The following GPC5 variants were observed in gnomAD, a reference collection of about 807,000 sequenced individuals.
GPC5 encodes the protein glypican 5, also known as glypican-5.
A neutral mutation model predicts 53.9 loss-of-function variants in GPC5; 47 were observed. The observed-to-expected ratio is 0.87, with a 90% CI of 0.69 to 1.11. GPC5 has a LOEUF of 1.11. Among genes scored for constraint, GPC5 ranks in the 50% most tolerant of loss-of-function variants. The pLI, the probability that GPC5 is intolerant of heterozygous loss-of-function variation, is 0.00. For synonymous variants in GPC5, 286 were observed against 263.3 expected (o/e 1.09, Z -0.84); for missense variants, 748 against 713.1 (o/e 1.05, Z -0.56).
At chr13:92,247,918 T>C (rs2042664483) in intron 7 of GPC5, among the ~76,000 whole-genome samples, 1 of 152,094 alleles carries the variant, frequency 6.6e-6, no homozygotes, top group South Asian at 2.1e-4. Context: ...TATCCTTTGA[T>C]AGGTTCTATG....
intron 7 of GPC5, among the ~76,000 whole-genome samples, chr13:92,362,221 AGT>A (rs2043573691): frequency 1.2e-4 from 18 of 151,692 alleles, no homozygotes; most frequent in Admixed American, 1.2e-3. Context: ...TCCATTTTGC[AGT>A]GTTTTCCTTT....
At chr13:92,134,242 G>A (rs2041766614) in intron 6 of GPC5, among the ~76,000 whole-genome samples, 1 of 152,138 alleles carries the variant, frequency 6.6e-6, no homozygotes, top group Non-Finnish European at 1.5e-5. Context: ...GTGCTCTGTA[G>A]TGTTTGGAAG....
At chr13:91,430,324 A>G (rs115439056) in intron 1 of GPC5, among the ~76,000 whole-genome samples, 3,791 of 152,302 alleles carry the variant, frequency 0.025, 154 homozygotes, top group African/African-American at 0.084. Context: ...CTGATAGCCA[A>G]CTGTGCCCTT....
At chr13:91,445,569 G>C (rs959004402) in intron 1 of GPC5, among the ~76,000 whole-genome samples, 4 of 152,190 alleles carry the variant, frequency 2.6e-5, no homozygotes, top group African/African-American at 9.7e-5. Flanking sequence ...TCATCTCCCA[G>C]CTACAAGTGA....
chr13:91,934,711 C>T (rs2039854076), intron 6 of GPC5, among the ~76,000 whole-genome samples: 1 of 151,822 alleles, frequency 6.6e-6, no homozygotes. Context: ...TGATACTGTT[C>T]CTTTACTAGG....
intron 2 of GPC5, among the ~76,000 whole-genome samples, chr13:91,618,317 C>T (rs1398240968): frequency 6.6e-6 from 1 of 152,012 alleles, no homozygotes; most frequent in Non-Finnish European, 1.5e-5. Flanking sequence ...ATACAATTGC[C>T]CCCTTTTATG....
chr13:91,952,265 C>G (rs553191189), intron 6 of GPC5, among the ~76,000 whole-genome samples: 1 of 151,870 alleles, frequency 6.6e-6, no homozygotes, highest in African/African-American at 2.4e-5. Context: ...AGATAGATTT[C>G]TTCTATTCTT....
intron 1 of GPC5, among the ~76,000 whole-genome samples, chr13:91,418,709 C>T (rs1878400699): frequency 6.6e-6 from 1 of 152,130 alleles, no homozygotes; most frequent in Non-Finnish European, 1.5e-5. Context: ...GATCTTTTAG[C>T]AGAAGTGCCA....
intron 7 of GPC5, among the ~76,000 whole-genome samples, chr13:92,694,706 G>T (rs1384920276): frequency 1.3e-5 from 2 of 152,200 alleles, no homozygotes; most frequent in African/African-American, 4.8e-5. Flanking sequence ...TCTCAGAGGA[G>T]ACTTTGGACT....
chr13:92,342,615 C>T (rs1229633805), intron 7 of GPC5, among the ~76,000 whole-genome samples: 3 of 152,038 alleles, frequency 2.0e-5, no homozygotes, highest in Admixed American at 6.6e-5. Flanking sequence ...ACTTCCCAGC[C>T]TCCAGAACTG....
intron 2 of GPC5, among the ~76,000 whole-genome samples, chr13:91,616,296 C>T (rs192489422): frequency 9.5e-4 from 143 of 150,880 alleles, no homozygotes; most frequent in African/African-American, 3.4e-3. Context: ...TTTAAAGATC[C>T]TTTCTTCAAA....
At chr13:92,646,930 A>ATGTGTGTGTG (rs753380099) in intron 7 of GPC5, among the ~76,000 whole-genome samples, 9,898 of 146,122 alleles carry the variant, frequency 0.068, 479 homozygotes, top group Admixed American at 0.11. Context: ...ATATATAAAC[A>ATGTGTGTGTG]TGTGTGTGTG....
At chr13:91,972,755 G>C (rs1292561126) in intron 6 of GPC5, among the ~76,000 whole-genome samples, 1 of 150,506 alleles carries the variant, frequency 6.6e-6, no homozygotes, top group African/African-American at 2.4e-5. Flanking sequence ...TGAAATTCTG[G>C]GTTGAAAATT....
chr13:92,168,341 A>G (rs1274772572), intron 7 of GPC5, among the ~76,000 whole-genome samples: 1 of 152,224 alleles, frequency 6.6e-6, no homozygotes, highest in Admixed American at 6.5e-5. Flanking sequence ...GGCAAATGGG[A>G]TTTAGTTAAA....
At chr13:92,510,627 TGG>T (rs1880530315) in intron 7 of GPC5, among the ~76,000 whole-genome samples, 2 of 152,202 alleles carry the variant, frequency 1.3e-5, no homozygotes, top group Admixed American at 1.3e-4. Flanking sequence ...GCTCTCCTGC[TGG>T]GATCAAGACA....
At chr13:92,343,314 G>A (rs1274732651) in intron 7 of GPC5, among the ~76,000 whole-genome samples, 1 of 152,156 alleles carries the variant, frequency 6.6e-6, no homozygotes, top group African/African-American at 2.4e-5. Context: ...ATAGAATTTG[G>A]AAGAGCAAGT....
At chr13:92,008,087 G>C (rs1333294448) in intron 6 of GPC5, among the ~76,000 whole-genome samples, 2 of 147,312 alleles carry the variant, frequency 1.4e-5, no homozygotes, top group Non-Finnish European at 1.5e-5. Flanking sequence ...TTTTGAGACG[G>C]AGTCTCGCTC....
At chr13:92,485,178 A>T (rs573986866) in intron 7 of GPC5, among the ~76,000 whole-genome samples, 1 of 152,090 alleles carries the variant, frequency 6.6e-6, no homozygotes, top group South Asian at 2.1e-4. Context: ...CAAACACTAA[A>T]CCTGTGCAAA....
At chr13:91,964,194 T>A (rs1370232448) in intron 6 of GPC5, among the ~76,000 whole-genome samples, 2 of 152,188 alleles carry the variant, frequency 1.3e-5, no homozygotes, top group African/African-American at 4.8e-5. Context: ...CAGTGAGTGT[T>A]ACAGCTCACA....
Sources: gnomAD v4.1 joint callset for allele counts (sites outside exome capture counted in the v4.1 genomes callset) on GRCh38, gnomAD v4.1.1 for gene constraint, MANE v1.5 for transcripts, NCBI Gene and HGNC (gene_info 2026-07-23, HGNC 2026-07-21) for gene names.